Variants in DDX10 observed in about 807,000 individuals in gnomAD.
The protein encoded by DDX10 is probable ATP-dependent RNA helicase DDX10.
Under a neutral mutation model 104.3 loss-of-function variants are expected in DDX10, and 74 were observed. That is an observed-to-expected ratio of 0.71 (90% CI 0.59 to 0.86). The LOEUF (loss-of-function observed/expected upper bound fraction) is 0.86. Among genes scored for constraint, DDX10 ranks in the 40% least tolerant of loss-of-function variants. The pLI, the probability that DDX10 is intolerant of heterozygous loss-of-function variation, is 0.00. For synonymous variants in DDX10, 351 were observed against 353.4 expected, an observed-to-expected ratio of 0.99 and a Z score of 0.08; for missense variants, 952 against 1,040.0, an observed-to-expected ratio of 0.92 and a Z score of 1.16.
chr11:108,824,690 A>G (rs1406544630), intron 13 of DDX10, among the ~76,000 whole-genome samples: 2 of 152,198 alleles, frequency 1.3e-5, no homozygotes, highest in Non-Finnish European at 2.9e-5. Context: ...TATTAAAAGT[A>G]GCAGGTTAAA....
chr11:108,794,558 G>GT (rs34393753), intron 13 of DDX10, among the ~76,000 whole-genome samples: 1 of 149,978 alleles, frequency 6.7e-6, no homozygotes, highest in African/African-American at 2.4e-5. Flanking sequence ...CTTCTGTTCA[G>GT]TTTTTTTTTT....
Position 108,723,199 on chromosome 11 carries a change from G to A in DDX10, c.1702G>A (p.Gly568Arg). 6.2e-7 allele frequency: 1 copy of A among 1,613,732 alleles called. No individual in the cohort carries two copies. Among genetic ancestry groups the A allele is most frequent in the African/African-American group, 1.3e-5 (1 of 75,016 alleles). The change falls in exon 13 of 18, where the codon GGG (glycine) becomes AGG (arginine). Residue 568 changes from glycine to arginine, a missense_variant. Physicochemically the swap from Gly to Arg is moderately radical, Grantham distance 125. Around this residue, in one of 3 missense-constraint regions of DDX10, gnomAD observed 533 missense variants for 534.1 expected, o/e 1.00. Coordinates refer to ENST00000322536, the MANE Select transcript of DDX10 (RefSeq NM_004398.4). ...ILQKGGKRLEGTEHRQDNDTG... is the reference protein window; with the variant it reads ...ILQKGGKRLERTEHRQDNDTG... ...TCAAAAAGGTGGAAAAAGACTCGAAGGGACAGAGCACAGACAGGATAATGA... is the reference window on the plus strand; with the variant it reads ...TCAAAAAGGTGGAAAAAGACTCGAAAGGACAGAGCACAGACAGGATAATGA...
chr11:108,933,952 CAGAA>C (rs773342179), intron 17 of DDX10, among the ~76,000 whole-genome samples: 85 of 152,282 alleles, frequency 5.6e-4, no homozygotes, highest in Non-Finnish European at 1.1e-3. Context: ...TGTGGCTGCA[CAGAA>C]CAAGACAGTT....
At chr11:108,715,455 T>A (rs1296406993) in intron 10 of DDX10, among the ~76,000 whole-genome samples, 1 of 152,208 alleles carries the variant, frequency 6.6e-6, no homozygotes, top group African/African-American at 2.4e-5. Context: ...GTCCAGGGGT[T>A]CAAGGTTACA....
chr11:108,830,159 G>T (rs1177157539), intron 13 of DDX10, among the ~76,000 whole-genome samples: 1 of 152,118 alleles, frequency 6.6e-6, no homozygotes, highest in Non-Finnish European at 1.5e-5. Flanking sequence ...TGACAGTATG[G>T]TCATTTAAAA....
intron 9 of DDX10, among the ~76,000 whole-genome samples, chr11:108,695,917 T>C (rs1359889928): frequency 6.6e-6 from 1 of 152,170 alleles, no homozygotes; most frequent in Non-Finnish European, 1.5e-5. Context: ...TATTTAAAAA[T>C]AGGATTTATG....
At chr11:108,866,850 C>T (rs1235585421) in intron 16 of DDX10, among the ~76,000 whole-genome samples, 2 of 152,126 alleles carry the variant, frequency 1.3e-5, no homozygotes, top group African/African-American at 4.8e-5. Flanking sequence ...AGCTTCTGTT[C>T]TGTAAGGCAG....
At chr11:108,881,770 A>G (rs762987292) in intron 16 of DDX10, among the ~76,000 whole-genome samples, 19 of 152,156 alleles carry the variant, frequency 1.2e-4, no homozygotes, top group Non-Finnish European at 2.2e-4. Context: ...TGCATTTTCA[A>G]TTTGTGATAG....
At position 108,803,388 on chromosome 11, in the gene DDX10, G is replaced by A. The variant is rs555940571; in HGVS notation, c.1966-35058G>A. On this transcript the variant is annotated intron_variant, in intron 13 of 17. Coordinates refer to ENST00000322536, the MANE Select transcript of DDX10 (RefSeq NM_004398.4). ...GTGGGCGGATCACCTGCGGTCGTGAGTTTGAGACCAGCCTGACCAACACGG... is the reference window on the plus strand; with the variant it reads ...GTGGGCGGATCACCTGCGGTCGTGAATTTGAGACCAGCCTGACCAACACGG... 1.5e-3 allele frequency among the ~76,000 whole-genome samples: 226 copies of A among 151,970 alleles called. 2 individuals carry two copies. The highest frequency in any genetic ancestry group is 5.0e-3 in the African/African-American group (206 of 41,482).
chr11:108,675,801 T>A, intron 3 of DDX10, 75 bp downstream of exon 3: 1 of 1,530,324 alleles, frequency 6.5e-7, no homozygotes, highest in Non-Finnish European at 8.9e-7. Flanking sequence ...GCAGATTATA[T>A]AAAGAGATGT....
At chr11:108,934,280 A>C (rs1864009942) in intron 17 of DDX10, among the ~76,000 whole-genome samples, 2 of 152,158 alleles carry the variant, frequency 1.3e-5, no homozygotes, top group African/African-American at 4.8e-5. Context: ...TCAGTGGGGG[A>C]ATAGTCCTTT....
intron 16 of DDX10, among the ~76,000 whole-genome samples, chr11:108,889,087 A>G (rs1238476646): frequency 6.6e-6 from 1 of 152,204 alleles, no homozygotes; most frequent in African/African-American, 2.4e-5. Context: ...TTGATTATAC[A>G]GATGTCAGAA....
At chr11:108,853,294 A>G (rs1044754379) in intron 16 of DDX10, among the ~76,000 whole-genome samples, 5 of 152,176 alleles carry the variant, frequency 3.3e-5, no homozygotes, top group Non-Finnish European at 5.9e-5. Context: ...TAAATTTAAC[A>G]AGAAAATCTT....
chr11:108,802,760 A>G (rs1367813043), intron 13 of DDX10, among the ~76,000 whole-genome samples: 1 of 152,130 alleles, frequency 6.6e-6, no homozygotes, highest in Non-Finnish European at 1.5e-5. Context: ...CCTCCCTCCT[A>G]TTAACATAGT....
intron 13 of DDX10, among the ~76,000 whole-genome samples, chr11:108,804,726 G>T (rs1163042091): frequency 6.6e-6 from 1 of 152,052 alleles, no homozygotes; most frequent in Admixed American, 6.6e-5. Context: ...CATATTATTG[G>T]CAGAATGCAT....
intron 13 of DDX10, among the ~76,000 whole-genome samples, chr11:108,723,900 C>A (rs757663020): frequency 6.6e-6 from 1 of 152,074 alleles, no homozygotes; most frequent in Non-Finnish European, 1.5e-5. Context: ...GGGAACCAAG[C>A]CAGTGTCTTA....
At chr11:108,716,560 T>A (rs969932587) in intron 11 of DDX10, among the ~76,000 whole-genome samples, 1 of 152,220 alleles carries the variant, frequency 6.6e-6, no homozygotes, top group African/African-American at 2.4e-5. Context: ...ATTAAGTTTT[T>A]ATTTCTTTTG....
intron 13 of DDX10, among the ~76,000 whole-genome samples, chr11:108,809,410 G>T (rs1862147004): frequency 6.6e-6 from 1 of 152,186 alleles, no homozygotes; most frequent in Admixed American, 6.5e-5. Context: ...TCCTTACAGT[G>T]AAAACAGGAA....
chr11:108,702,749 C>T (rs114253924), intron 9 of DDX10, among the ~76,000 whole-genome samples: 1,558 of 152,228 alleles, frequency 0.01, 26 homozygotes, highest in African/African-American at 0.036. Flanking sequence ...CAATCATGAC[C>T]AATCTGTTGA....
Sources: allele counts gnomAD v4.1 joint callset (sites outside exome capture counted in the v4.1 genomes callset), GRCh38; gene constraint gnomAD v4.1.1; regional missense constraint gnomAD v4.1.1; transcripts MANE v1.5; gene names NCBI Gene and HGNC (gene_info 2026-07-23, HGNC 2026-07-21).